Variants in ARHGAP24 observed in about 807,000 individuals in gnomAD.
ARHGAP24 encodes rho GTPase-activating protein 24.
A neutral mutation model predicts 76.4 loss-of-function variants in ARHGAP24; 50 were observed. The observed-to-expected ratio is 0.65, with a 90% CI of 0.52 to 0.83. The LOEUF (loss-of-function observed/expected upper bound fraction) is 0.83. Ranked by LOEUF, ARHGAP24 falls within the 40% of genes least tolerant of loss-of-function variation. ARHGAP24 has a pLI of 0.00. For synonymous variants in ARHGAP24, 345 were observed against 323.3 expected, an observed-to-expected ratio of 1.07 and a Z score of -0.72; for missense variants, 930 against 914.2, an observed-to-expected ratio of 1.02 and a Z score of -0.22.
chr4:85,900,878 T>C (rs1221623960), intron 3 of ARHGAP24, among the ~76,000 whole-genome samples: 3 of 152,328 alleles, frequency 2.0e-5, no homozygotes, highest in African/African-American at 7.2e-5. Context: ...GACTGTTCTC[T>C]TGCAATAGCA....
At chr4:85,822,194 G>A (rs1729502363) in intron 3 of ARHGAP24, among the ~76,000 whole-genome samples, 1 of 152,098 alleles carries the variant, frequency 6.6e-6, no homozygotes, top group African/African-American at 2.4e-5. Context: ...CTATTAAAAA[G>A]TGAAATGTTC....
intron 2 of ARHGAP24, among the ~76,000 whole-genome samples, chr4:85,685,643 A>G (rs6822977): frequency 6.7e-6 from 1 of 150,094 alleles, no homozygotes; most frequent in Non-Finnish European, 1.5e-5. Flanking sequence ...AAAAAAAAAA[A>G]AAAAGAAAAG....
intron 2 of ARHGAP24, among the ~76,000 whole-genome samples, chr4:85,718,912 G>C (rs977705858): frequency 6.6e-6 from 1 of 152,108 alleles, no homozygotes; most frequent in Non-Finnish European, 1.5e-5. Flanking sequence ...TAGCATTTAT[G>C]CTAGTGCGTT....
intron 2 of ARHGAP24, among the ~76,000 whole-genome samples, chr4:85,717,192 G>A (rs1724766561): frequency 6.6e-6 from 1 of 151,890 alleles, no homozygotes; most frequent in African/African-American, 2.4e-5. Flanking sequence ...TTCTAACAGG[G>A]GAAATACTCT....
chr4:85,910,315 G>A (rs1399178265), intron 3 of ARHGAP24, among the ~76,000 whole-genome samples: 1 of 152,234 alleles, frequency 6.6e-6, no homozygotes, highest in Admixed American at 6.5e-5. Flanking sequence ...AACGTGGAGA[G>A]CTAAGGGGCA....
chr4:85,597,276 T>A (rs1044647185), intron 2 of ARHGAP24, among the ~76,000 whole-genome samples: 18 of 152,074 alleles, frequency 1.2e-4, no homozygotes, highest in African/African-American at 4.3e-4. Context: ...CTTTCTTCAT[T>A]TATAGGGAGT....
At chr4:85,552,845 G>A (rs2128099) in intron 1 of ARHGAP24, among the ~76,000 whole-genome samples, 130,853 of 152,218 alleles carry the variant, frequency 0.86, 59,105 homozygotes, top group Non-Finnish European at 0.98. Flanking sequence ...AGCAACCGCT[G>A]CTTGGTAGAT....
chr4:85,570,466 G>T, intron 1 of ARHGAP24, 56 bp from the exon 2 acceptor site: 1 of 1,310,160 alleles, frequency 7.6e-7, no homozygotes, highest in East Asian at 2.5e-5. Context: ...GTTTAAAAGG[G>T]AGTTGAATAT....
chr4:85,494,019 A>G (rs1325059392), intron 1 of ARHGAP24, among the ~76,000 whole-genome samples: 1 of 152,206 alleles, frequency 6.6e-6, no homozygotes, highest in Non-Finnish European at 1.5e-5. Flanking sequence ...TGGTGACTTC[A>G]TGTTGACCTG....
At chr4:85,803,394 T>C (rs1728656594) in intron 3 of ARHGAP24, among the ~76,000 whole-genome samples, 1 of 152,206 alleles carries the variant, frequency 6.6e-6, no homozygotes, top group Non-Finnish European at 1.5e-5. Flanking sequence ...ATTTGCTGTC[T>C]AAGATGGATC....
chr4:85,637,950 T>C (rs938927002), intron 2 of ARHGAP24, among the ~76,000 whole-genome samples: 1 of 152,106 alleles, frequency 6.6e-6, no homozygotes, highest in African/African-American at 2.4e-5. Context: ...TTATTCAGAA[T>C]CTACATTCTC....
rs180827667 is a variant in ARHGAP24, at chr4:85,881,446, G to A, written c.269-42202G>A. Among the ~76,000 whole-genome samples, 696 of 117,336 alleles carry A rather than the reference G, an allele frequency of 5.9e-3. 5 individuals carry two copies. The highest frequency in any genetic ancestry group is 0.022 in the African/African-American group (673 of 30,384). 77.0% of individuals were successfully genotyped at this position (117,336 alleles called of 152,430 possible). On this transcript the variant is annotated intron_variant, in intron 3 of 9. Transcript: ENST00000395184. Reference sequence around the variant, plus strand: ...AGATACGGTTGAGGAAGAATAGATTGTACAGGGTTTTGTGTTTTTTTTTTA... The same window carrying A: ...AGATACGGTTGAGGAAGAATAGATTATACAGGGTTTTGTGTTTTTTTTTTA...
At chr4:85,904,054 C>T (rs1734638687) in intron 3 of ARHGAP24, among the ~76,000 whole-genome samples, 1 of 152,140 alleles carries the variant, frequency 6.6e-6, no homozygotes, top group African/African-American at 2.4e-5. Context: ...TGATCATGTG[C>T]AATCTCTAAT....
intron 1 of ARHGAP24, among the ~76,000 whole-genome samples, chr4:85,540,879 A>G (rs964290985): frequency 2.1e-5 from 3 of 145,156 alleles, no homozygotes; most frequent in Non-Finnish European, 4.4e-5. Context: ...AGGTGTTTGT[A>G]TAGTGAACAG....
At chr4:85,738,367 T>TTTATTATTATTA (rs58504018) in intron 3 of ARHGAP24, among the ~76,000 whole-genome samples, 2 of 144,094 alleles carry the variant, frequency 1.4e-5, no homozygotes, top group Admixed American at 6.9e-5. Context: ...CATTTGGGCT[T>TTTATTATTATTA]TTATTATTAT....
At chr4:85,711,117 A>G (rs534195602) in intron 2 of ARHGAP24, among the ~76,000 whole-genome samples, 8 of 152,280 alleles carry the variant, frequency 5.3e-5, no homozygotes, top group Admixed American at 1.3e-4. Flanking sequence ...GGAGCTGGAG[A>G]TCATTATCCT....
At chr4:85,605,988 A>G (rs527503825) in intron 2 of ARHGAP24, among the ~76,000 whole-genome samples, 9 of 152,060 alleles carry the variant, frequency 5.9e-5, no homozygotes, top group Non-Finnish European at 1.3e-4. Context: ...TCTCTTTGGA[A>G]CCCCCTCAGG....
At chr4:85,819,330 A>G (rs189178525) in intron 3 of ARHGAP24, among the ~76,000 whole-genome samples, 11 of 152,306 alleles carry the variant, frequency 7.2e-5, no homozygotes, top group Admixed American at 5.9e-4. Flanking sequence ...TCCACATCCA[A>G]TATCTGATTG....
At chr4:85,689,139 G>A (rs6845071) in intron 2 of ARHGAP24, among the ~76,000 whole-genome samples, 51,732 of 151,978 alleles carry the variant, frequency 0.34, 10,614 homozygotes, top group African/African-American at 0.57. Flanking sequence ...ACTTTGGTCA[G>A]TATGGCCATT....
Sources: allele counts gnomAD v4.1 joint callset (sites outside exome capture counted in the v4.1 genomes callset), GRCh38; gene constraint gnomAD v4.1.1; transcripts MANE v1.5; gene names NCBI Gene and HGNC (gene_info 2026-07-23, HGNC 2026-07-21).